Variants in STX1A observed in about 807,000 individuals in gnomAD.
The protein encoded by STX1A is syntaxin 1A.
Under a neutral mutation model 37.8 loss-of-function variants are expected in STX1A, and 4 were observed. That is an observed-to-expected ratio of 0.11 (90% CI 0.05 to 0.24). The LOEUF is 0.24. Ranked by LOEUF, STX1A falls within the 10% of genes least tolerant of loss-of-function variation. STX1A has a pLI of 1.00. For missense variants in STX1A, 251 were observed against 399.9 expected (o/e 0.63, Z 3.18); for synonymous variants, 135 against 147.4 (o/e 0.92, Z 0.61).
Position 73,709,035 on chromosome 7 carries a change from T to C in STX1A, c.108+10A>G, listed in dbSNP as rs782370537. The C allele has an allele frequency of 6.2e-7, 1 of 1,613,986 alleles. No homozygotes were observed. Among genetic ancestry groups the C allele is most frequent in the Non-Finnish European group, 8.5e-7 (1 of 1,179,910 alleles). ...AGTGTGCGGGAAGGGTGGGGTGTGC[T>C]GGCTCCCACCTGCTCAAAGAACTCA... On this transcript the variant is annotated intron_variant, in intron 2 of 9. Coordinates refer to ENST00000222812, the MANE Select transcript of STX1A (RefSeq NM_004603.4). This position sits in a 1 kb window ranked among gnomAD's most constrained non-coding sequence, Gnocchi z 4.2.
Sources: gnomAD v4.1 joint callset for allele counts on GRCh38, gnomAD v4.1.1 for gene constraint, Gnocchi (gnomAD v3.1) non-coding constraint, MANE v1.5 for transcripts, NCBI Gene and HGNC (gene_info 2026-07-23, HGNC 2026-07-21) for gene names.